The following CLNS1A variants were observed in gnomAD, a reference collection of about 807,000 sequenced individuals.
The protein encoded by CLNS1A is chloride nucleotide-sensitive channel 1A.
CLNS1A carries 16 observed loss-of-function variants against 29.4 expected under a neutral mutation model. The observed-to-expected ratio is 0.54, with a 90% confidence interval of 0.37 to 0.83. The LOEUF (loss-of-function observed/expected upper bound fraction) is 0.83. Ranked by LOEUF, CLNS1A falls within the 40% of genes least tolerant of loss-of-function variation. The probability of loss-of-function intolerance (pLI) is 0.00; values close to 1 mark genes in which losing one functional copy is unlikely to be tolerated. For synonymous variants in CLNS1A, 96 were observed against 104.8 expected, an observed-to-expected ratio of 0.92 and a Z score of 0.51; for missense variants, 235 against 287.4, an observed-to-expected ratio of 0.82 and a Z score of 1.32.
chr11:77,628,896 G>A (rs1368894287), intron 2 of CLNS1A, among the ~76,000 whole-genome samples: 1 of 152,074 alleles, frequency 6.6e-6, no homozygotes, highest in Non-Finnish European at 1.5e-5. Flanking sequence ...CTTTGTTGTG[G>A]GGGACCATCT....
At chr11:77,628,881 T>G (rs1052931882) in intron 2 of CLNS1A, among the ~76,000 whole-genome samples, 1 of 152,246 alleles carries the variant, frequency 6.6e-6, no homozygotes, top group African/African-American at 2.4e-5. Context: ...TTGGATGGAA[T>G]AATTCTTTGT....
chr11:77,631,091 G>A lies in CLNS1A; in HGVS notation c.126-1192C>T, dbSNP rs556007955. On this transcript the variant is annotated intron_variant, in intron 1 of 6. Coordinates refer to ENST00000525428, the MANE Select transcript of CLNS1A (RefSeq NM_001293.3). ...ACCAAGCAAAAACAAAAGTAAAACA[G>A]GAGAACCTAGGACTGCCTTGGGCAG... Among the ~76,000 whole-genome samples, 5 of 152,256 alleles carry A rather than the reference G, an allele frequency of 3.3e-5. No homozygotes were observed. The South Asian group carries it at 1.0e-3, about 32-fold the overall frequency.
At chr11:77,635,931 C>T (rs1452207048) in intron 1 of CLNS1A, among the ~76,000 whole-genome samples, 1 of 151,998 alleles carries the variant, frequency 6.6e-6, no homozygotes, top group Non-Finnish European at 1.5e-5. Context: ...ACCCACCCGT[C>T]GGCGTATCCC....
rs997463624 is a variant in CLNS1A at position 77,615,245 on chromosome 11, G to A, written c.*1473C>T. On this transcript the variant is annotated 3_prime_UTR_variant, in exon 7 of 7. Coordinates refer to ENST00000525428, the MANE Select transcript of CLNS1A (RefSeq NM_001293.3). The stretch of plus-strand genomic sequence containing the variant: ...GAAGAATGGACAAACTTCTAGGATA[G>A]AATTATGGGTGTTGCTCAGATGGGT... The A allele has an allele frequency of 6.6e-6, 1 of 152,236 alleles. No individual in the cohort carries two copies. Among genetic ancestry groups the A allele is most frequent in the South Asian group, 2.1e-4 (1 of 4,832 alleles). 9.4% of individuals were successfully genotyped at this position (152,236 alleles called of 1,614,324 possible).
Position 77,625,783 on chromosome 11 carries a change from C to T in CLNS1A, c.298G>A (p.Glu100Lys), listed in dbSNP as rs1959011982. The T allele has an allele frequency of 6.2e-7, 1 of 1,603,300 alleles. No homozygotes were observed. Among genetic ancestry groups the T allele is most frequent in the African/African-American group, 1.3e-5 (1 of 74,696 alleles). Residue 100 changes from glutamate to lysine, a missense_variant, in exon 3 of 7, where the codon GAA (glutamate) becomes AAA (lysine). By Grantham distance (56) the Glu-to-Lys change is moderately conservative. Coordinates refer to ENST00000525428, the MANE Select transcript of CLNS1A (RefSeq NM_001293.3). ...GGTTCAACATCATCATCACTGTCTTCCTCTTCTTCATCAGCAACAGGTTCT... is the reference window on the plus strand; with the variant it reads ...GGTTCAACATCATCATCACTGTCTTTCTCTTCTTCATCAGCAACAGGTTCT... ...SKEPVADEEE[E>K]DSDDDVEPIT... is the part of the protein sequence containing the mutation.
intron 4 of CLNS1A, 46 bp downstream of exon 4, chr11:77,624,917 A>C: frequency 8.1e-7 from 1 of 1,227,766 alleles, no homozygotes; most frequent in Non-Finnish European, 1.2e-6. Context: ...CTTAAAATGA[A>C]ACACTAAACA....
At chr11:77,624,856 T>C (rs1020805368) in intron 4 of CLNS1A, 107 bp downstream of exon 4, 9 of 677,088 alleles carry the variant, frequency 1.3e-5, no homozygotes, top group Admixed American at 6.2e-5. Flanking sequence ...TACTGCATAC[T>C]TTACAGTCAT....
chr11:77,627,445 A>G (rs889147952), intron 2 of CLNS1A, among the ~76,000 whole-genome samples: 15 of 152,138 alleles, frequency 9.9e-5, no homozygotes, highest in African/African-American at 3.6e-4. Context: ...CTCAAAAAAA[A>G]AGAAAAAAAA....
chr11:77,633,912 C>G (rs2135778741), intron 1 of CLNS1A, among the ~76,000 whole-genome samples: 2 of 152,066 alleles, frequency 1.3e-5, no homozygotes, highest in Middle Eastern at 3.4e-3. Context: ...ACAAGTCTGA[C>G]CAACATGGAG....
At chr11:77,623,220 C>T (rs1192010732) in intron 4 of CLNS1A, among the ~76,000 whole-genome samples, 1 of 151,986 alleles carries the variant, frequency 6.6e-6, no homozygotes, top group East Asian at 1.9e-4. Context: ...GGGAATTTTA[C>T]AAGTGAGCAC....
intron 6 of CLNS1A, among the ~76,000 whole-genome samples, chr11:77,617,300 C>T (rs1347722788): frequency 1.5e-5 from 2 of 131,736 alleles, no homozygotes; most frequent in South Asian, 2.6e-4. Context: ...CCCGGGGGGG[C>T]GGAGGATTCG....
intron 2 of CLNS1A, among the ~76,000 whole-genome samples, chr11:77,627,490 C>T (rs908271148): frequency 4.0e-5 from 6 of 150,284 alleles, no homozygotes; most frequent in African/African-American, 9.8e-5. Flanking sequence ...ATAAATGTGA[C>T]CCAGAAAGAT....
At chr11:77,619,570 C>T in intron 6 of CLNS1A, 36 bp downstream of exon 6, 1 of 1,268,156 alleles carries the variant, frequency 7.9e-7, no homozygotes, top group Non-Finnish European at 1.2e-6. Context: ...ATATGATTTT[C>T]ATGATCAGCG....
intron 1 of CLNS1A, among the ~76,000 whole-genome samples, chr11:77,634,469 T>TA (rs1384358097): frequency 6.6e-6 from 1 of 152,174 alleles, no homozygotes; most frequent in African/African-American, 2.4e-5. Context: ...CTCATGCCTG[T>TA]AATCCCAGCA....
chr11:77,618,699 T>C (rs942830221), intron 6 of CLNS1A: 1 of 152,064 alleles, frequency 6.6e-6, no homozygotes, highest in African/African-American at 2.4e-5. Context: ...TGAAATGAAA[T>C]AGAACAGGGG....
At chr11:77,621,998 G>A (rs1306653803) in intron 5 of CLNS1A, 4 of 456,070 alleles carry the variant, frequency 8.8e-6, no homozygotes, top group Non-Finnish European at 1.8e-5. Flanking sequence ...AGTCACGTGG[G>A]CCAATTTCTT....
At position 77,622,404 on chromosome 11, in the gene CLNS1A, T is replaced by G. The variant is rs1001494952; in HGVS notation, c.646+96A>C. 1.4e-5 allele frequency: 12 copies of G among 845,056 alleles called. No individual in the cohort carries two copies. The South Asian group carries it at 2.0e-4, about 14-fold the overall frequency. The allele number at this position is 845,056 out of a possible 1,614,324, so 52.3% of individuals were successfully genotyped here. On this transcript the variant is annotated intron_variant, in intron 5 of 6. Transcript: ENST00000525428. ...TGCTTCCTATACTATAGAGAGTCAA[T>G]TCTTTCTCTTAGTTATTAAAAGAAC...
intron 5 of CLNS1A, among the ~76,000 whole-genome samples, chr11:77,620,788 C>G (rs895574340): frequency 1.3e-5 from 2 of 152,044 alleles, no homozygotes; most frequent in African/African-American, 4.8e-5. Flanking sequence ...TAGAGACCAG[C>G]CTGGCCAACA....
intron 3 of CLNS1A, chr11:77,625,310 C>CCTG: frequency 3.9e-6 from 2 of 515,016 alleles, no homozygotes; most frequent in Non-Finnish European, 6.8e-6. Context: ...GGGTCAGAGT[C>CCTG]CTGGTAAGAC....
Sources: allele counts gnomAD v4.1 joint callset (sites outside exome capture counted in the v4.1 genomes callset), GRCh38; gene constraint gnomAD v4.1.1; transcripts MANE v1.5; gene names NCBI Gene and HGNC (gene_info 2026-07-23, HGNC 2026-07-21).